Variants in PPARGC1B observed in about 807,000 individuals in gnomAD.
PPARGC1B encodes the protein PPARG coactivator 1 beta.
A neutral mutation model predicts 101.6 loss-of-function variants in PPARGC1B; 34 were observed. The ratio of observed to expected loss-of-function variants is 0.33; its 90% CI spans 0.25 to 0.45. PPARGC1B has a LOEUF of 0.45. PPARGC1B is among the 20% of genes least tolerant of loss of function. PPARGC1B has a pLI of 1.00. For missense variants in PPARGC1B, 1,234 were observed against 1,317.6 expected, an observed-to-expected ratio of 0.94 and a Z score of 0.98; for synonymous variants, 548 against 539.3, an observed-to-expected ratio of 1.02 and a Z score of -0.22.
Position 149,836,331 on chromosome 5 carries a change from C to A in PPARGC1B, c.1876C>A (p.His626Asn). The change falls in exon 8 of 12, where the codon CAT (histidine) becomes AAT (asparagine). Residue 626 changes from histidine (H) to asparagine (N), a missense_variant. This residue lies in a region of PPARGC1B where 497 missense variants were observed against 529.5 expected (regional missense o/e 0.94). Transcript: ENST00000309241. ...EEDPFKPDIK[H>N]SLGKEIALSL... is the part of the protein sequence containing the mutation. ...GGATCCCTTCAAACCAGACATCAAG[C>A]ATAGTCTAGGCAAAGAAATAGCTCT... 2 of 1,613,810 alleles carry A rather than the reference C, an allele frequency of 1.2e-6. No homozygotes were observed. The highest frequency in any genetic ancestry group is 1.7e-6 in the Non-Finnish European group (2 of 1,179,886).
intron 1 of PPARGC1B, among the ~76,000 whole-genome samples, chr5:149,758,449 G>T (rs1755611820): frequency 6.6e-6 from 1 of 152,250 alleles, no homozygotes; most frequent in South Asian, 2.1e-4. Flanking sequence ...AGGCAGACCT[G>T]TGCATTGCAC....
chr5:149,852,931 A>C lies in PPARGC1B; in HGVS notation c.*5373A>C, dbSNP rs1360821047. On this transcript the variant is annotated 3_prime_UTR_variant, in exon 12 of 12. Transcript: ENST00000309241. ...TCTGTTTCATCAGTATGCTTTGCAC[A>C]TCCGGAAGGAGTACAAAAATCCAAC... The C allele has an allele frequency of 1.3e-5, 2 of 152,114 alleles. No individual in the cohort carries two copies. Among genetic ancestry groups the C allele is most frequent in the African/African-American group, 4.8e-5 (2 of 41,414 alleles). 9.4% of individuals were successfully genotyped at this position (152,114 alleles called of 1,614,324 possible). A position where few individuals can be genotyped will look rare whatever the true frequency, so the allele number is the denominator to read the frequency against.
At chr5:149,747,996 G>A (rs1468648451) in intron 1 of PPARGC1B, among the ~76,000 whole-genome samples, 4 of 152,104 alleles carry the variant, frequency 2.6e-5, no homozygotes, top group African/African-American at 9.7e-5. Flanking sequence ...GAGGGAGGTG[G>A]AGGTTTAGAA....
intron 1 of PPARGC1B, among the ~76,000 whole-genome samples, chr5:149,803,173 G>A (rs1490044530): frequency 6.6e-6 from 1 of 152,192 alleles, no homozygotes; most frequent in Non-Finnish European, 1.5e-5. Context: ...GAGAAGTAGA[G>A]GGACTTGTCC....
rs531612264 is a variant in PPARGC1B at position 149,808,020 on chromosome 5, A to G, written c.79-12413A>G. On this transcript the variant is annotated intron_variant, in intron 1 of 11. Transcript: ENST00000309241. The stretch of plus-strand genomic sequence containing the variant: ...TATCAGTGTTTAAAAAATAATTGAT[A>G]TAAATATCCATGCTGAACAAAATAT... 2.0e-5 allele frequency among the ~76,000 whole-genome samples: 3 copies of G among 152,338 alleles called. No individual in the cohort carries two copies. In the East Asian group the frequency reaches 5.8e-4, roughly 29 times the overall value.
intron 11 of PPARGC1B, chr5:149,847,173 G>A (rs1446736959): frequency 1.3e-5 from 7 of 539,404 alleles, no homozygotes; most frequent in South Asian, 2.0e-5. Context: ...GGGGGAAGTA[G>A]AGTTGTAGGG....
At chr5:149,775,454 G>A (rs1756323331) in intron 1 of PPARGC1B, among the ~76,000 whole-genome samples, 1 of 152,114 alleles carries the variant, frequency 6.6e-6, no homozygotes, top group Non-Finnish European at 1.5e-5. Context: ...GTGGCCACAG[G>A]GATAAAGGTC....
intron 1 of PPARGC1B, chr5:149,818,789 A>G (rs976468513): frequency 3.7e-5 from 17 of 455,938 alleles, no homozygotes; most frequent in African/African-American, 6.0e-5. Flanking sequence ...CTTAGCTGAC[A>G]TTTATTGAGC....
rs1176685971 is a variant in PPARGC1B at position 149,848,511 on chromosome 5, C to T, written c.*953C>T. On this transcript the variant is annotated 3_prime_UTR_variant, in exon 12 of 12. Transcript: ENST00000309241. ...TGGGGTAAAGACACCGTTTCAGGGA[C>T]TGGTAGAGGTGAGTTCGGCTAAATT... 6.6e-6 allele frequency: 1 copy of T among 152,212 alleles called. No homozygotes were observed. Among genetic ancestry groups the T allele is most frequent in the Non-Finnish European group, 1.5e-5 (1 of 68,068 alleles). 9.4% of individuals were successfully genotyped at this position (152,212 alleles called of 1,614,324 possible).
chr5:149,780,495 G>C (rs1756558782), intron 1 of PPARGC1B, among the ~76,000 whole-genome samples: 2 of 152,188 alleles, frequency 1.3e-5, no homozygotes, highest in Non-Finnish European at 2.9e-5. Flanking sequence ...ACAGTGAGAG[G>C]TTTGAACTAA....
chr5:149,773,763 C>T (rs907751280), intron 1 of PPARGC1B, among the ~76,000 whole-genome samples: 4 of 152,090 alleles, frequency 2.6e-5, no homozygotes, highest in South Asian at 2.1e-4. Flanking sequence ...TGAGGTGAAG[C>T]GCTTGGAGGC....
At chr5:149,737,141 A>G (rs1044207346) in intron 1 of PPARGC1B, among the ~76,000 whole-genome samples, 5 of 152,108 alleles carry the variant, frequency 3.3e-5, no homozygotes, top group African/African-American at 1.2e-4. Context: ...CCAGAATGTC[A>G]TATAGTTGGA....
chr5:149,779,138 A>AT (rs778506682), intron 1 of PPARGC1B, among the ~76,000 whole-genome samples: 63 of 152,280 alleles, frequency 4.1e-4, no homozygotes, highest in Admixed American at 5.2e-4. Flanking sequence ...CAGACTCTGA[A>AT]TCTGAGTGCA....
At chr5:149,820,660 A>G in intron 2 of PPARGC1B, 54 bp downstream of exon 2, 1 of 1,541,906 alleles carries the variant, frequency 6.5e-7, no homozygotes, top group South Asian at 1.1e-5. Flanking sequence ...CTCTCTCCTC[A>G]AAATCCCGGC....
Position 149,744,706 on chromosome 5 carries a change from A to G in PPARGC1B, c.78+14286A>G, listed in dbSNP as rs542978075. ...GCCAGATGAATGAGTTAGTCTAGCC[A>G]TAAAGCTTTCTTTGAAAGTTAATGC... is the stretch of plus-strand genomic sequence containing the variant. On this transcript the variant is annotated intron_variant, in intron 1 of 11. Transcript: ENST00000309241. Among the ~76,000 whole-genome samples the G allele has an allele frequency of 1.4e-4, 21 of 152,350 alleles. No individual in the cohort carries two copies. The South Asian group carries it at 4.1e-3, about 30-fold the overall frequency.
chr5:149,765,826 A>T (rs993101370), intron 1 of PPARGC1B, among the ~76,000 whole-genome samples: 1 of 144,820 alleles, frequency 6.9e-6, no homozygotes, highest in African/African-American at 2.6e-5. Flanking sequence ...GCGCCATTGC[A>T]CTTCAGCCTG....
rs764003655 is a variant in PPARGC1B at position 149,833,535 on chromosome 5, C to G, written c.1462C>G (p.Pro488Ala). 9 of 1,574,100 alleles carry G rather than the reference C, an allele frequency of 5.7e-6. No individual in the cohort carries two copies. In the African/African-American group the frequency reaches 1.2e-4, roughly 21 times the overall value. ...RSRRLNPELG[P>A]WLTFADEPLV... ...TCGGAGACTGAACCCTGAGCTGGGC[C>G]CCTGGCTGACATTTGCAGATGAGCC... Residue 488 changes from proline (P) to alanine (A), a missense_variant, in exon 5 of 12, where the codon CCC becomes GCC. By Grantham distance (27) the Pro-to-Ala change is conservative. Transcript: ENST00000309241. The surrounding 1 kb of genome is among the most constrained non-coding windows in gnomAD (Gnocchi z 4.1).
chr5:149,778,062 CT>C (rs1756454258), intron 1 of PPARGC1B, among the ~76,000 whole-genome samples: 1 of 6,986 alleles, frequency 1.4e-4, no homozygotes, highest in Non-Finnish European at 2.1e-4. Flanking sequence ...GTAGCAGCAT[CT>C]CACACACACA....
chr5:149,790,863 G>A (rs759188261), intron 1 of PPARGC1B, among the ~76,000 whole-genome samples: 3 of 152,118 alleles, frequency 2.0e-5, no homozygotes, highest in African/African-American at 4.8e-5. Flanking sequence ...TGGTTAAAAT[G>A]TAGGTTCCTG....
Sources: allele counts gnomAD v4.1 joint callset (sites outside exome capture counted in the v4.1 genomes callset), GRCh38; gene constraint gnomAD v4.1.1; regional missense constraint gnomAD v4.1.1; non-coding constraint Gnocchi (gnomAD v3.1); transcripts MANE v1.5; gene names NCBI Gene and HGNC (gene_info 2026-07-23, HGNC 2026-07-21).